The following SNTG1 variants were observed in gnomAD, a reference collection of about 807,000 sequenced individuals.
SNTG1 encodes the protein gamma-1-syntrophin.
In SNTG1, 39 loss-of-function variants were observed where a neutral mutation model predicts 74.7. The ratio of observed to expected loss-of-function variants is 0.52; its 90% confidence interval spans 0.40 to 0.68. The LOEUF (loss-of-function observed/expected upper bound fraction) is 0.68, where lower values mean the gene tolerates loss of function less well. Ranked by LOEUF, SNTG1 falls within the 30% of genes least tolerant of loss-of-function variation. SNTG1 has a pLI of 0.00. For synonymous variants in SNTG1, 254 were observed against 217.1 expected (o/e 1.17, Z -1.49); for missense variants, 685 against 609.5 (o/e 1.12, Z -1.30).
chr8:50,669,736 C>T (rs2095269778), intron 15 of SNTG1, among the ~76,000 whole-genome samples: 1 of 151,710 alleles, frequency 6.6e-6, no homozygotes, highest in South Asian at 2.1e-4. Context: ...GAGACACAAC[C>T]AAAAAAGAGA....
chr8:49,941,042 A>G (rs1235378742), intron 1 of SNTG1, among the ~76,000 whole-genome samples: 1 of 152,186 alleles, frequency 6.6e-6, no homozygotes, highest in Non-Finnish European at 1.5e-5. Context: ...GAATTCATCA[A>G]TAAAATGCCC....
At chr8:50,693,187 A>C (rs766513763) in intron 15 of SNTG1, among the ~76,000 whole-genome samples, 50 of 151,860 alleles carry the variant, frequency 3.3e-4, no homozygotes, top group Non-Finnish European at 5.6e-4. Flanking sequence ...GAATTCCCTG[A>C]CCCCTTGCAC....
intron 2 of SNTG1, among the ~76,000 whole-genome samples, chr8:50,219,042 A>AT (rs1410340840): frequency 6.6e-6 from 1 of 152,196 alleles, no homozygotes; most frequent in African/African-American, 2.4e-5. Flanking sequence ...CCAAAAGGTG[A>AT]TTTTCTCTAG....
intron 8 of SNTG1, chr8:50,491,192 T>A (rs2093849737): frequency 6.6e-6 from 1 of 152,322 alleles, no homozygotes; most frequent in Non-Finnish European, 1.5e-5. Flanking sequence ...ACACGTGACC[T>A]GGAGACACAC....
chr8:50,602,590 A>G (rs1010093037), intron 13 of SNTG1, among the ~76,000 whole-genome samples: 3 of 152,304 alleles, frequency 2.0e-5, no homozygotes, highest in East Asian at 3.9e-4. Context: ...GCTTACTATT[A>G]CTAGTGAGTT....
intron 2 of SNTG1, among the ~76,000 whole-genome samples, chr8:50,381,663 A>G (rs1372931611): frequency 2.3e-4 from 6 of 25,990 alleles, no homozygotes; most frequent in Non-Finnish European, 6.7e-4. Flanking sequence ...TATATATCCT[A>G]TTAGTTATAT....
intron 15 of SNTG1, among the ~76,000 whole-genome samples, chr8:50,690,560 G>T (rs2095373402): frequency 2.6e-5 from 4 of 152,154 alleles, no homozygotes; most frequent in Admixed American, 2.6e-4. Flanking sequence ...GTGTGGTTTT[G>T]AGTGAGTTTC....
intron 9 of SNTG1, among the ~76,000 whole-genome samples, chr8:50,524,507 T>A (rs143374554): frequency 1.3e-5 from 2 of 152,152 alleles, no homozygotes; most frequent in African/African-American, 2.4e-5. Flanking sequence ...GTCAATCACA[T>A]ACACTGCCTT....
intron 2 of SNTG1, among the ~76,000 whole-genome samples, chr8:50,327,921 A>G (rs911292187): frequency 6.6e-6 from 1 of 152,182 alleles, no homozygotes; most frequent in Admixed American, 6.5e-5. Flanking sequence ...CTTCACAGAT[A>G]GTTCAAATAC....
chr8:50,599,259 C>A (rs1252669447), intron 13 of SNTG1, among the ~76,000 whole-genome samples: 3 of 152,008 alleles, frequency 2.0e-5, no homozygotes, highest in Non-Finnish European at 2.9e-5. Flanking sequence ...ATTTTTCTTA[C>A]TATATCTCTA....
intron 2 of SNTG1, among the ~76,000 whole-genome samples, chr8:50,184,337 T>A (rs1038030806): frequency 1.3e-5 from 2 of 152,194 alleles, no homozygotes; most frequent in East Asian, 3.9e-4. Flanking sequence ...GGCTAGTTTT[T>A]GTATTTTTAG....
At position 50,699,492 on chromosome 8, in the gene SNTG1, G is replaced by T. The variant is rs573129600; in HGVS notation, c.1039-5108G>T. 3.9e-5 allele frequency among the ~76,000 whole-genome samples: 6 copies of T among 152,004 alleles called. No individual in the cohort carries two copies. In the South Asian group the frequency reaches 1.2e-3, roughly 32 times the overall value. ...TAAGTGGATGAAGTACCCTGGAAAA[G>T]CATCTAGTCAGCCATCTTGAAAAAA... is the stretch of plus-strand genomic sequence containing the variant. On this transcript the variant is annotated intron_variant, in intron 15 of 18. Transcript: ENST00000642720.
intron 2 of SNTG1, among the ~76,000 whole-genome samples, chr8:50,200,915 A>G (rs2083962683): frequency 6.6e-6 from 1 of 152,188 alleles, no homozygotes; most frequent in Non-Finnish European, 1.5e-5. Flanking sequence ...CACAGTGGCT[A>G]CCACTATGAA....
chr8:50,429,392 C>G (rs1284599606), intron 4 of SNTG1, among the ~76,000 whole-genome samples: 5 of 152,092 alleles, frequency 3.3e-5, no homozygotes, highest in African/African-American at 1.2e-4. Context: ...AAAGAACTGT[C>G]TTTTCAACAA....
chr8:50,204,431 G>A (rs1251120311), intron 2 of SNTG1, among the ~76,000 whole-genome samples: 1 of 151,820 alleles, frequency 6.6e-6, no homozygotes, highest in Non-Finnish European at 1.5e-5. Context: ...TACCTTGCCA[G>A]ACAATATTTG....
chr8:50,379,793 C>T lies in SNTG1; in HGVS notation c.-27-14419C>T, dbSNP rs1230690514. 5.3e-5 allele frequency among the ~76,000 whole-genome samples: 8 copies of T among 152,378 alleles called. 1 individual carries two copies. In the East Asian group the frequency reaches 7.7e-4, roughly 15 times the overall value. On this transcript the variant is annotated intron_variant, in intron 2 of 18. Coordinates refer to ENST00000642720, the MANE Select transcript of SNTG1 (RefSeq NM_018967.5). ...AAGAGCAACTTCGGAAAATGCCTGG[C>T]GGCCATCCCTGTTCTCCAGCATGTG...
chr8:50,252,067 C>A (rs2086669556), intron 2 of SNTG1, among the ~76,000 whole-genome samples: 1 of 151,862 alleles, frequency 6.6e-6, no homozygotes, highest in Non-Finnish European at 1.5e-5. Flanking sequence ...CTTCAAAAAC[C>A]TTACAAATAC....
At chr8:50,384,990 G>C (rs568830936) in intron 2 of SNTG1, among the ~76,000 whole-genome samples, 1 of 152,118 alleles carries the variant, frequency 6.6e-6, no homozygotes, top group African/African-American at 2.4e-5. Flanking sequence ...AGCAGAAAAA[G>C]AGCTGTCTCT....
At chr8:50,254,948 C>CT (rs4006072) in intron 2 of SNTG1, among the ~76,000 whole-genome samples, 1,316 of 85,284 alleles carry the variant, frequency 0.015, 31 homozygotes, top group African/African-American at 0.04. Context: ...TTTATTGCCA[C>CT]TTTTTTTTTT....
Sources: allele counts gnomAD v4.1 joint callset (sites outside exome capture counted in the v4.1 genomes callset), GRCh38; gene constraint gnomAD v4.1.1; transcripts MANE v1.5; gene names NCBI Gene and HGNC (gene_info 2026-07-23, HGNC 2026-07-21).